EDAR: variants seen among roughly 807,000 people sequenced by gnomAD.
EDAR encodes the protein tumor necrosis factor receptor superfamily member EDAR.
In EDAR, 38 loss-of-function variants were observed where a neutral mutation model predicts 51.3. The observed-to-expected ratio is 0.74, with a 90% confidence interval of 0.57 to 0.97. The LOEUF (loss-of-function observed/expected upper bound fraction) is 0.97. Among genes scored for constraint, EDAR ranks in the 50% least tolerant of loss-of-function variants. The pLI, the probability that EDAR is intolerant of heterozygous loss-of-function variation, is 0.00. For synonymous variants in EDAR, 227 were observed against 242.1 expected (o/e 0.94, Z 0.58); for missense variants, 528 against 595.0 (o/e 0.89, Z 1.17).
intron 1 of EDAR, among the ~76,000 whole-genome samples, chr2:108,944,954 T>C (rs150174543): frequency 3.5e-4 from 54 of 152,276 alleles, no homozygotes; most frequent in Non-Finnish European, 6.6e-4. Context: ...CCTGCTTGGA[T>C]GTTTCCCGTG....
intron 1 of EDAR, among the ~76,000 whole-genome samples, chr2:108,971,329 G>A (rs991947145): frequency 1.3e-5 from 2 of 152,010 alleles, no homozygotes; most frequent in African/African-American, 4.8e-5. Context: ...CCAGGAGCTC[G>A]TTAGAAATGC....
intron 5 of EDAR, among the ~76,000 whole-genome samples, chr2:108,913,331 C>A (rs1176517431): frequency 6.6e-6 from 1 of 152,126 alleles, no homozygotes. Flanking sequence ...TTGCAAGCCT[C>A]ACCAACTCAA....
At chr2:108,920,419 C>T (rs1404538133) in intron 5 of EDAR, among the ~76,000 whole-genome samples, 2 of 152,328 alleles carry the variant, frequency 1.3e-5, no homozygotes, top group East Asian at 3.9e-4. Context: ...ATCACAGATC[C>T]CTTTATGCAG....
intron 11 of EDAR, among the ~76,000 whole-genome samples, chr2:108,898,976 AGAG>A (rs1303883628): frequency 2.0e-5 from 3 of 152,178 alleles, no homozygotes; most frequent in Admixed American, 6.5e-5. Flanking sequence ...TTTCAGAAGG[AGAG>A]GAGAAGAGAG....
chr2:108,929,073 C>G (rs1420991641), intron 4 of EDAR, 125 bp downstream of exon 4: 4 of 1,138,244 alleles, frequency 3.5e-6, no homozygotes, highest in Non-Finnish European at 3.9e-6. Context: ...GGGACCAAGG[C>G]CAGGTGTGCG....
intron 6 of EDAR, 103 bp from the exon 7 acceptor site, chr2:108,911,175 G>A: frequency 7.1e-7 from 1 of 1,418,398 alleles, no homozygotes; most frequent in Non-Finnish European, 9.9e-7. Flanking sequence ...CCCCTGGGAT[G>A]CTTTCAGGGA....
intron 1 of EDAR, among the ~76,000 whole-genome samples, chr2:108,952,674 T>C (rs1056806564): frequency 6.6e-6 from 1 of 152,260 alleles, no homozygotes. Flanking sequence ...AAAGTCTTAG[T>C]TAATTCCAAC....
intron 1 of EDAR, among the ~76,000 whole-genome samples, chr2:108,938,483 T>G (rs192520151): frequency 0.015 from 2,281 of 152,334 alleles, 27 homozygotes; most frequent in South Asian, 0.03. Context: ...CTTGGAGGAT[T>G]GCTCACGAAA....
chr2:108,972,960 C>G (rs1045336487), intron 1 of EDAR, among the ~76,000 whole-genome samples: 1 of 152,154 alleles, frequency 6.6e-6, no homozygotes, highest in Admixed American at 6.5e-5. Context: ...GAGGTCTCAG[C>G]AGGTGTTTAT....
chr2:108,904,386 T>A (rs1220084276), intron 11 of EDAR, among the ~76,000 whole-genome samples: 2 of 152,164 alleles, frequency 1.3e-5, no homozygotes, highest in Non-Finnish European at 2.9e-5. Context: ...TACAATAACT[T>A]TAGAAAACGG....
chr2:108,972,408 G>A (rs1167011073), intron 1 of EDAR, among the ~76,000 whole-genome samples: 1 of 152,212 alleles, frequency 6.6e-6, no homozygotes, highest in African/African-American at 2.4e-5. Context: ...CACGGGCCCT[G>A]GAGCCCTTGC....
intron 1 of EDAR, among the ~76,000 whole-genome samples, chr2:108,946,314 A>G (rs1697714339): frequency 6.6e-6 from 1 of 152,220 alleles, no homozygotes; most frequent in Non-Finnish European, 1.5e-5. Flanking sequence ...AGCACCTGGG[A>G]CAACACATAT....
At chr2:108,915,095 G>GA (rs140398940) in intron 5 of EDAR, among the ~76,000 whole-genome samples, 4,122 of 152,254 alleles carry the variant, frequency 0.027, 210 homozygotes, top group African/African-American at 0.095. Flanking sequence ...TTTTTATAGA[G>GA]AAAAATGCAC....
chr2:108,946,886 C>A (rs1442589418), intron 1 of EDAR, among the ~76,000 whole-genome samples: 1 of 135,106 alleles, frequency 7.4e-6, no homozygotes, highest in Non-Finnish European at 1.5e-5. Context: ...TGGTCCCTCC[C>A]AAATCTCATC....
In EDAR at chr2:108,929,959, G is replaced by A. The variant is rs143785880; in HGVS notation, c.174+161C>T. Among the ~76,000 whole-genome samples the A allele has an allele frequency of 9.1e-4, 138 of 152,274 alleles. No individual in the cohort carries two copies. The East Asian group carries it at 0.01, about 11-fold the overall frequency. On this transcript the variant is annotated intron_variant, in intron 3 of 11. Transcript: ENST00000258443. ...TGGTGAGTGCCATTCCTGGGCTCAC[G>A]GCAGCTCTTGCCATCAATCTCAACG...
intron 1 of EDAR, among the ~76,000 whole-genome samples, chr2:108,978,288 C>A (rs1282278075): frequency 6.6e-6 from 1 of 152,196 alleles, no homozygotes; most frequent in Non-Finnish European, 1.5e-5. Context: ...GTTAAATACA[C>A]CATCCATGTC....
chr2:108,906,310 T>G lies in EDAR; in HGVS notation c.1022A>C (p.Glu341Ala). 1 of 1,614,042 alleles carries G rather than the reference T, an allele frequency of 6.2e-7. No individual in the cohort carries two copies. Among genetic ancestry groups the G allele is most frequent in the South Asian group, 1.1e-5 (1 of 91,072 alleles). ...DVYANVCGVV[E>A]GLSPTELPFD... The stretch of plus-strand genomic sequence containing the variant: ...CCCAGGCTTTTTTTTCAGCTTACCT[T>G]CCACGACTCCACACACGTTGGCATA... Residue 341 changes from glutamate (E) to alanine (A), a missense_variant and splice_region_variant, in exon 11 of 12, where the codon GAA becomes GCA. Coordinates refer to ENST00000258443, the MANE Select transcript of EDAR (RefSeq NM_022336.4).
At chr2:108,925,190 T>TATTGGTCCCGCTCCTGGGCTGGGAGG in intron 4 of EDAR, among the ~76,000 whole-genome samples, 2 of 152,380 alleles carry the variant, frequency 1.3e-5, no homozygotes, top group African/African-American at 4.8e-5. Flanking sequence ...TGTTCACGTC[T>TATTGGTCCCGCTCCTGGGCTGGGAGG]CTATTCCTTG....
intron 1 of EDAR, among the ~76,000 whole-genome samples, chr2:108,953,461 G>A (rs191151992): frequency 6.6e-6 from 1 of 152,038 alleles, no homozygotes; most frequent in African/African-American, 2.4e-5. Context: ...CCTCACTACA[G>A]TCTACAAATT....
Sources: gnomAD v4.1 joint callset for allele counts (sites outside exome capture counted in the v4.1 genomes callset) on GRCh38, gnomAD v4.1.1 for gene constraint, MANE v1.5 for transcripts, NCBI Gene and HGNC (gene_info 2026-07-23, HGNC 2026-07-21) for gene names.